The following SEC61A1 variants were observed in gnomAD, a reference collection of about 807,000 sequenced individuals.
SEC61A1 encodes the protein SEC61 translocon subunit alpha 1.
In SEC61A1, 15 loss-of-function variants were observed where a neutral mutation model predicts 55.2. That is an observed-to-expected ratio of 0.27 (90% CI 0.18 to 0.42). SEC61A1 has a LOEUF of 0.42. SEC61A1 is among the 10% of genes least tolerant of loss of function. The pLI is 1.00. For missense variants in SEC61A1, 284 were observed against 602.6 expected (o/e 0.47, Z 5.53); for synonymous variants, 247 against 234.0 (o/e 1.06, Z -0.51).
chr3:128,052,561 T>C lies in SEC61A1; in HGVS notation c.7+2T>C. ...CCCGAGCAGCCGCCGCCATGGCAAGTGAGTCCTGTAGGGAAGCCCTATTGA... is the reference window on the plus strand; with the variant it reads ...CCCGAGCAGCCGCCGCCATGGCAAGCGAGTCCTGTAGGGAAGCCCTATTGA... On this transcript the variant is annotated splice_donor_variant, in intron 1 of 11. Coordinates refer to ENST00000243253, the MANE Select transcript of SEC61A1 (RefSeq NM_013336.4). LOFTEE classifies it high-confidence loss of function. 1 of 1,600,298 alleles carries C rather than the reference T, an allele frequency of 6.2e-7. No homozygotes were observed. Among genetic ancestry groups the C allele is most frequent in the South Asian group, 1.1e-5 (1 of 89,172 alleles).
chr3:128,057,045 T>G (rs1310252125), intron 5 of SEC61A1, among the ~76,000 whole-genome samples: 1 of 152,180 alleles, frequency 6.6e-6, no homozygotes, highest in East Asian at 1.9e-4. Flanking sequence ...CAAGCAATTC[T>G]GCCTCAGCTT....
chr3:128,067,397 T>C lies in SEC61A1; in HGVS notation c.976-24T>C. 1 of 1,598,978 alleles carries C rather than the reference T, an allele frequency of 6.3e-7. No homozygotes were observed. On this transcript the variant is annotated intron_variant, in intron 9 of 11. Transcript: ENST00000243253. The surrounding 1 kb of genome is among the most constrained non-coding windows in gnomAD (Gnocchi z 4.1). The stretch of plus-strand genomic sequence containing the variant: ...AAAGTAAAATGAAGGAGCACTCACA[T>C]GCGTTTGGTTTCTTCTTCCCCAGGA...
intron 2 of SEC61A1, among the ~76,000 whole-genome samples, chr3:128,054,087 A>G (rs535924902): frequency 6.6e-6 from 1 of 152,342 alleles, no homozygotes; most frequent in African/African-American, 2.4e-5. Context: ...GAGATGAATA[A>G]CAAGGGCCAG....
intron 7 of SEC61A1, among the ~76,000 whole-genome samples, chr3:128,062,138 G>T (rs1941861535): frequency 6.6e-6 from 1 of 152,224 alleles, no homozygotes; most frequent in African/African-American, 2.4e-5. Flanking sequence ...AAGCAAAGGT[G>T]GATTTGTCTG....
chr3:128,051,678 A>T, upstream of SEC61A1: 1 of 1,439,296 alleles, frequency 6.9e-7, no homozygotes, highest in Non-Finnish European at 9.1e-7. Flanking sequence ...CAGTCTCCTC[A>T]ACCTGTTCCC....
chr3:128,055,687 G>A lies in SEC61A1; in HGVS notation c.156G>A (p.Gly52=). Residue 52 remains glycine (G), a synonymous_variant, in exon 4 of 12, where the codon GGG becomes GGA. Coordinates refer to ENST00000243253, the MANE Select transcript of SEC61A1 (RefSeq NM_013336.4). The stretch of plus-strand genomic sequence containing the variant: ...CCTGTTCCCAGATTCCCCTGTTTGG[G>A]ATCATGTCTTCAGATTCAGCTGACC... The part of the protein sequence containing the change: ...FLVCCQIPLF[G]IMSSDSADPF... 1.2e-6 allele frequency: 2 copies of A among 1,614,000 alleles called. No homozygotes were observed. Among genetic ancestry groups the A allele is most frequent in the East Asian group, 2.2e-5 (1 of 44,900 alleles).
At chr3:128,062,231 C>A (rs551042293) in intron 7 of SEC61A1, among the ~76,000 whole-genome samples, 1 of 152,298 alleles carries the variant, frequency 6.6e-6, no homozygotes, top group South Asian at 2.1e-4. Flanking sequence ...AGGGCTGTGC[C>A]CCATGGCCTG....
Position 128,069,468 on chromosome 3 carries a change from TC to T in SEC61A1, c.1245-3del. The T allele has an allele frequency of 6.2e-7, 1 of 1,607,834 alleles. No homozygotes were observed. Among genetic ancestry groups the T allele is most frequent in the Non-Finnish European group, 8.5e-7 (1 of 1,179,140 alleles). On this transcript the variant is annotated splice_polypyrimidine_tract_variant and splice_region_variant and intron_variant, in intron 11 of 11. Transcript: ENST00000243253. ...GTGTCCAGGAGCTGACTGTGTCCCC[TC>T]CCCCAGGTACATCCCCACAGCCGCG...
At chr3:128,051,937 T>A (rs1233707574), upstream of SEC61A1, 8 of 1,509,164 alleles carry the variant, frequency 5.3e-6, no homozygotes, top group Admixed American at 2.0e-5. Flanking sequence ...CGCGCCCTAC[T>A]CAGCAGGTAA....
Position 128,067,616 on chromosome 3 carries a change from A to G in SEC61A1, c.1167+4A>G. ...CTCAGGTTCCTCTGCCAAAGATGTA[A>G]GTAGAAGCAAAACTTTCTGGAAGGG... is the stretch of plus-strand genomic sequence containing the variant. On this transcript the variant is annotated splice_donor_region_variant and intron_variant, in intron 10 of 11. Transcript: ENST00000243253. This position sits in a 1 kb window ranked among gnomAD's most constrained non-coding sequence, Gnocchi z 4.1. 3.1e-6 allele frequency: 5 copies of G among 1,605,256 alleles called. No homozygotes were observed. Among genetic ancestry groups the G allele is most frequent in the Non-Finnish European group, 4.3e-6 (5 of 1,175,016 alleles).
rs756431447 is a variant in SEC61A1, at chr3:128,060,060, G to C, written c.353-42G>C. Reference sequence around the variant, plus strand: ...TTCTTAATTGTTTCTTTTGTTCTGTGTAGTGACCCACTTGGAAAACACTTC... The same window carrying C: ...TTCTTAATTGTTTCTTTTGTTCTGTCTAGTGACCCACTTGGAAAACACTTC... On this transcript the variant is annotated intron_variant, in intron 5 of 11. Coordinates refer to ENST00000243253, the MANE Select transcript of SEC61A1 (RefSeq NM_013336.4). 2.1e-6 allele frequency: 3 copies of C among 1,411,848 alleles called. No homozygotes were observed. The African/African-American group carries it at 4.2e-5, about 20-fold the overall frequency. The allele number at this position is 1,411,848 out of a possible 1,614,324, so 87.5% of individuals were successfully genotyped here.
chr3:128,064,274 A>T (rs373757982), intron 7 of SEC61A1, among the ~76,000 whole-genome samples: 1 of 152,040 alleles, frequency 6.6e-6, no homozygotes, highest in Admixed American at 6.6e-5. Context: ...TTATTTTTAT[A>T]AATTATCATC....
rs1029866374 is a variant in SEC61A1 at position 128,065,398 on chromosome 3, G to C, written c.777+361G>C. 5.5e-6 allele frequency: 3 copies of C among 543,672 alleles called. No individual in the cohort carries two copies. In the African/African-American group the frequency reaches 5.7e-5, roughly 10 times the overall value. 33.7% of individuals were successfully genotyped at this position (543,672 alleles called of 1,614,324 possible). A position where few individuals can be genotyped will look rare whatever the true frequency, so the allele number is the denominator to read the frequency against. ...TAGAAAGTTTGTATGATATTTATAGGTAACTTCTGCATCTCGGAAACGGCC... is the reference window on the plus strand; with the variant it reads ...TAGAAAGTTTGTATGATATTTATAGCTAACTTCTGCATCTCGGAAACGGCC... On this transcript the variant is annotated intron_variant, in intron 8 of 11. Coordinates refer to ENST00000243253, the MANE Select transcript of SEC61A1 (RefSeq NM_013336.4).
chr3:128,056,678 A>G (rs1941777198), intron 4 of SEC61A1, 31 bp from the exon 5 acceptor site: 4 of 1,484,834 alleles, frequency 2.7e-6, no homozygotes, highest in Non-Finnish European at 2.7e-6. Context: ...CCAAGCTGAT[A>G]TTGACTGTTT....
rs531981343 is a variant in SEC61A1, at chr3:128,054,375, G to A, written c.76-1141G>A. Reference sequence around the variant, plus strand: ...TTCAGACAGGTTACTCTGAAATGGCGTTGCCTTCTCTTGGCCACTTTCTAA... The same window carrying A: ...TTCAGACAGGTTACTCTGAAATGGCATTGCCTTCTCTTGGCCACTTTCTAA... On this transcript the variant is annotated intron_variant, in intron 2 of 11. Transcript: ENST00000243253. Among the ~76,000 whole-genome samples, 7 of 152,322 alleles carry A rather than the reference G, an allele frequency of 4.6e-5. No individual in the cohort carries two copies. In the South Asian group the frequency reaches 8.3e-4, roughly 18 times the overall value.
intron 11 of SEC61A1, 22 bp from the exon 12 acceptor site, chr3:128,069,454 C>A: frequency 6.2e-7 from 1 of 1,602,770 alleles, no homozygotes; most frequent in Non-Finnish European, 8.5e-7. Context: ...TGTCCAGGAG[C>A]TGACTGTGTC....
chr3:128,060,118 T>A lies in SEC61A1; in HGVS notation c.369T>A (p.Ile123=). The part of the protein sequence containing the change: ...NGAQKLFGMI[I]TIGQSIVYVM... ...CAATTCTAGTATTTGGCATGATCAT[T>A]ACTATCGGCCAGTCTATCGTGTATG... Residue 123 remains isoleucine, a synonymous_variant, in exon 6 of 12, where the codon ATT becomes ATA. Coordinates refer to ENST00000243253, the MANE Select transcript of SEC61A1 (RefSeq NM_013336.4). 1 of 1,613,216 alleles carries A rather than the reference T, an allele frequency of 6.2e-7. No homozygotes were observed. Among genetic ancestry groups the A allele is most frequent in the Non-Finnish European group, 8.5e-7 (1 of 1,179,176 alleles).
chr3:128,056,344 C>G (rs372251123), intron 4 of SEC61A1, among the ~76,000 whole-genome samples: 3 of 152,278 alleles, frequency 2.0e-5, no homozygotes, highest in East Asian at 3.9e-4. Flanking sequence ...TGTACAGGCT[C>G]CTTTTCCAGA....
At chr3:128,069,116 G>C (rs1311008064) in intron 11 of SEC61A1, among the ~76,000 whole-genome samples, 1 of 152,078 alleles carries the variant, frequency 6.6e-6, no homozygotes, top group East Asian at 1.9e-4. Context: ...AAAGAAACAG[G>C]TGAAATTAAA....
Sources: gnomAD v4.1 joint callset for allele counts (sites outside exome capture counted in the v4.1 genomes callset) on GRCh38, gnomAD v4.1.1 for gene constraint, Gnocchi (gnomAD v3.1) non-coding constraint, MANE v1.5 for transcripts, NCBI Gene and HGNC (gene_info 2026-07-23, HGNC 2026-07-21) for gene names.